The following AGTR1 variants were observed in gnomAD, a reference collection of about 807,000 sequenced individuals.
AGTR1 encodes the protein angiotensin II receptor type 1, also known as type-1 angiotensin II receptor.
A neutral mutation model predicts 19.4 loss-of-function variants in AGTR1; 16 were observed. The observed-to-expected ratio is 0.82, with a 90% CI of 0.56 to 1.25. The LOEUF is 1.25. Ranked by LOEUF, AGTR1 falls within the 50% of genes most tolerant of loss-of-function variation. AGTR1 has a pLI of 0.00. For synonymous variants in AGTR1, 153 were observed against 154.9 expected (o/e 0.99, Z 0.09); for missense variants, 373 against 431.9 (o/e 0.86, Z 1.21).
At chr3:148,722,391 A>C (rs896459400) in intron 2 of AGTR1, among the ~76,000 whole-genome samples, 1 of 152,180 alleles carries the variant, frequency 6.6e-6, no homozygotes, top group Non-Finnish European at 1.5e-5. Context: ...CTGAGATGAA[A>C]ACTTAAACTG....
At position 148,741,463 on chromosome 3, in the gene AGTR1, T is replaced by G. The variant is rs1329812513; in HGVS notation, c.428T>G (p.Leu143Arg). 1.9e-6 allele frequency: 3 copies of G among 1,612,372 alleles called. No individual in the cohort carries two copies. The highest frequency in any genetic ancestry group is 1.7e-6 in the Non-Finnish European group (2 of 1,180,000). Reference protein sequence around the residue: ...PMKSRLRRTMLVAKVTCIIIW... With the variant: ...PMKSRLRRTMRVAKVTCIIIW... The stretch of plus-strand genomic sequence containing the variant: ...AAGTCCCGCCTTCGACGCACAATGC[T>G]TGTAGCCAAAGTCACCTGCATCATC... The change falls in exon 3 of 3, where the codon CTT (leucine) becomes CGT (arginine). Residue 143 changes from leucine to arginine, a missense_variant. Transcript: ENST00000349243.
At chr3:148,733,038 C>G (rs929598277) in intron 2 of AGTR1, among the ~76,000 whole-genome samples, 4 of 152,222 alleles carry the variant, frequency 2.6e-5, no homozygotes, top group East Asian at 3.9e-4. Flanking sequence ...CCGCGCCCGG[C>G]CCGGAAAATT....
chr3:148,735,124 T>C (rs1714502507), intron 2 of AGTR1, among the ~76,000 whole-genome samples: 1 of 152,150 alleles, frequency 6.6e-6, no homozygotes, highest in South Asian at 2.1e-4. Flanking sequence ...TAGGCACATA[T>C]ACTGAAGGCA....
At chr3:148,698,458 T>TAACTAAA in intron 1 of AGTR1, among the ~76,000 whole-genome samples, 1 of 152,352 alleles carries the variant, frequency 6.6e-6, no homozygotes, top group South Asian at 2.1e-4. Flanking sequence ...CTGAGGCTTT[T>TAACTAAA]AGTTAACTCT....
chr3:148,709,003 C>T (rs372222850), intron 2 of AGTR1, among the ~76,000 whole-genome samples: 24 of 152,304 alleles, frequency 1.6e-4, no homozygotes, highest in African/African-American at 5.8e-4. Context: ...AGGTACTCCA[C>T]AGTGGTGGTG....
At chr3:148,723,897 T>C (rs1266770220) in intron 2 of AGTR1, among the ~76,000 whole-genome samples, 2 of 152,128 alleles carry the variant, frequency 1.3e-5, no homozygotes, top group Non-Finnish European at 2.9e-5. Context: ...AGTTAAAACA[T>C]TGGAATGAGG....
intron 2 of AGTR1, among the ~76,000 whole-genome samples, chr3:148,715,839 T>C (rs1278426738): frequency 1.3e-5 from 2 of 152,206 alleles, no homozygotes; most frequent in African/African-American, 4.8e-5. Context: ...ATGTGCTTTG[T>C]GCTAAAAATT....
At position 148,699,706 on chromosome 3, in the gene AGTR1, C is replaced by G. The variant is rs759827992; in HGVS notation, c.-132+1579C>G. On this transcript the variant is annotated intron_variant, in intron 1 of 2. Coordinates refer to ENST00000349243, the MANE Select transcript of AGTR1 (RefSeq NM_000685.5). ...TTAAAATAAAAGTCTAAGCTTAAGG[C>G]TAGGTTATAGAAACTGCCCATCATA... 2.9e-4 allele frequency among the ~76,000 whole-genome samples: 44 copies of G among 152,166 alleles called. 1 individual carries two copies. The highest frequency in any genetic ancestry group is 3.2e-4 in the Non-Finnish European group (22 of 68,034).
intron 2 of AGTR1, among the ~76,000 whole-genome samples, chr3:148,737,205 C>T (rs565010114): frequency 2.0e-5 from 3 of 152,284 alleles, no homozygotes; most frequent in African/African-American, 4.8e-5. Context: ...GCCCAGTGCA[C>T]ATCCAGATCC....
At chr3:148,739,374 A>G (rs915213229) in intron 2 of AGTR1, among the ~76,000 whole-genome samples, 27 of 152,002 alleles carry the variant, frequency 1.8e-4, no homozygotes, top group Admixed American at 1.5e-3. Flanking sequence ...AAAAAAAAAA[A>G]AGTGTCAAAC....
chr3:148,722,279 A>G (rs1020193223), intron 2 of AGTR1, among the ~76,000 whole-genome samples: 3 of 152,238 alleles, frequency 2.0e-5, no homozygotes, highest in African/African-American at 7.2e-5. Flanking sequence ...TGACTATTTC[A>G]TATGTTCAAA....
intron 2 of AGTR1, among the ~76,000 whole-genome samples, chr3:148,713,908 T>C (rs773112609): frequency 6.6e-6 from 1 of 152,186 alleles, no homozygotes; most frequent in Non-Finnish European, 1.5e-5. Context: ...TTTCACACAG[T>C]TATTTAACTG....
intron 2 of AGTR1, among the ~76,000 whole-genome samples, chr3:148,711,676 G>A (rs1712991636): frequency 6.6e-6 from 1 of 152,078 alleles, no homozygotes; most frequent in South Asian, 2.1e-4. Context: ...ACAGCCAGAT[G>A]TGCTTAGCAC....
In AGTR1 at chr3:148,734,200, G is replaced by A. The variant is rs1714444205; in HGVS notation, c.-47-6789G>A. On this transcript the variant is annotated intron_variant, in intron 2 of 2. Transcript: ENST00000349243. ...AGTAGTCTTAAACAATTCCCAAGAA[G>A]CTAAAATGTGGGATTAACATTTTAC... Among the ~76,000 whole-genome samples the A allele has an allele frequency of 1.3e-5, 2 of 152,124 alleles. 1 individual carries two copies. Among genetic ancestry groups the A allele is most frequent in the South Asian group, 4.1e-4 (2 of 4,822 alleles).
intron 2 of AGTR1, among the ~76,000 whole-genome samples, chr3:148,714,303 A>G (rs563721649): frequency 1.9e-4 from 29 of 152,284 alleles, no homozygotes; most frequent in Admixed American, 1.9e-3. Flanking sequence ...TGGAAAATGG[A>G]AATAAAGTGG....
chr3:148,709,894 A>G (rs1467795935), intron 2 of AGTR1, among the ~76,000 whole-genome samples: 1 of 152,232 alleles, frequency 6.6e-6, no homozygotes, highest in Non-Finnish European at 1.5e-5. Context: ...GCACATTTAA[A>G]TGAATAAATA....
chr3:148,715,347 A>G (rs1713235407), intron 2 of AGTR1, among the ~76,000 whole-genome samples: 1 of 152,182 alleles, frequency 6.6e-6, no homozygotes, highest in East Asian at 1.9e-4. Context: ...AATGAAGACT[A>G]ATAGTTTCTC....
At chr3:148,740,938 T>C in intron 2 of AGTR1, 51 bp from the exon 3 acceptor site, 1 of 1,492,974 alleles carries the variant, frequency 6.7e-7, no homozygotes, top group Non-Finnish European at 9.1e-7. Context: ...GTTAGTTTGT[T>C]TGTTTACAAT....
chr3:148,711,898 G>A (rs1241860756), intron 2 of AGTR1, among the ~76,000 whole-genome samples: 4 of 151,942 alleles, frequency 2.6e-5, no homozygotes. Flanking sequence ...ACAGGCACAT[G>A]CACTATGCCC....
Sources: gnomAD v4.1 joint callset for allele counts (sites outside exome capture counted in the v4.1 genomes callset) on GRCh38, gnomAD v4.1.1 for gene constraint, MANE v1.5 for transcripts, NCBI Gene and HGNC (gene_info 2026-07-23, HGNC 2026-07-21) for gene names.